NDST4: variants seen among roughly 807,000 people sequenced by gnomAD.
The protein encoded by NDST4 is N-deacetylase and N-sulfotransferase 4, also known as N-heparan sulfate sulfotransferase 4.
In NDST4, 63 loss-of-function variants were observed where a neutral mutation model predicts 100.8. The observed-to-expected ratio is 0.62, with a 90% CI of 0.51 to 0.77. The LOEUF (loss-of-function observed/expected upper bound fraction) is 0.77. NDST4 is among the 30% of genes least tolerant of loss of function. The pLI is 0.00. For synonymous variants in NDST4, 377 were observed against 361.8 expected, an observed-to-expected ratio of 1.04 and a Z score of -0.48; for missense variants, 943 against 1,018.4, an observed-to-expected ratio of 0.93 and a Z score of 1.01.
intron 1 of NDST4, among the ~76,000 whole-genome samples, chr4:115,093,651 A>C (rs967191086): frequency 6.6e-6 from 1 of 152,130 alleles, no homozygotes; most frequent in African/African-American, 2.4e-5. Context: ...AAAGAGCTAA[A>C]AATCACATGG....
chr4:114,831,254 T>A (rs1209043312), intron 12 of NDST4, among the ~76,000 whole-genome samples: 5 of 151,008 alleles, frequency 3.3e-5, no homozygotes, highest in Admixed American at 3.3e-4. Flanking sequence ...GGGTTTCACC[T>A]TGTTAGCCAG....
chr4:114,827,885 G>C lies in NDST4; in HGVS notation c.2550C>G (p.Ser850=). The change falls in exon 14 of 14, where the codon TCC becomes TCG. Residue 850 remains serine, a synonymous_variant. Transcript: ENST00000264363. The part of the protein sequence containing the change: ...NYYRDHNVEL[S]KLLHRLGQPL... Reference sequence around the variant, plus strand: ...GCTGTCCCAGTCTGTGTAGCAGTTTGGATAGTTCCACATTATGATCTCGGT... The same window carrying C: ...GCTGTCCCAGTCTGTGTAGCAGTTTCGATAGTTCCACATTATGATCTCGGT... The C allele has an allele frequency of 6.2e-7, 1 of 1,611,106 alleles. No homozygotes were observed. The highest frequency in any genetic ancestry group is 1.1e-5 in the South Asian group (1 of 90,548).
intron 2 of NDST4, among the ~76,000 whole-genome samples, chr4:115,037,960 A>G (rs1039375609): frequency 1.3e-5 from 2 of 152,170 alleles, no homozygotes; most frequent in Admixed American, 6.6e-5. Flanking sequence ...TTCTATGTAA[A>G]ATACATGTTT....
chr4:114,903,584 C>T (rs757662101), intron 6 of NDST4, among the ~76,000 whole-genome samples: 1 of 151,924 alleles, frequency 6.6e-6, no homozygotes, highest in Non-Finnish European at 1.5e-5. Flanking sequence ...TTTCTAGCTC[C>T]AATTTTGAGG....
chr4:114,910,943 C>T (rs1725049456), intron 6 of NDST4, among the ~76,000 whole-genome samples: 1 of 152,170 alleles, frequency 6.6e-6, no homozygotes, highest in South Asian at 2.1e-4. Flanking sequence ...TTATTACTGC[C>T]TAGCTGAAGC....
At chr4:115,058,526 T>A (rs1239478308) in intron 2 of NDST4, among the ~76,000 whole-genome samples, 3 of 152,192 alleles carry the variant, frequency 2.0e-5, no homozygotes, top group African/African-American at 4.8e-5. Flanking sequence ...TAAACAATTA[T>A]GTTTGTTTCC....
intron 3 of NDST4, among the ~76,000 whole-genome samples, chr4:114,973,113 A>T (rs1049462326): frequency 6.6e-6 from 1 of 152,076 alleles, no homozygotes; most frequent in Non-Finnish European, 1.5e-5. Flanking sequence ...ACTGAGGGAC[A>T]GCAGCAGAAT....
chr4:114,916,335 T>C (rs1331280704), intron 6 of NDST4, among the ~76,000 whole-genome samples: 1 of 152,152 alleles, frequency 6.6e-6, no homozygotes, highest in Non-Finnish European at 1.5e-5. Flanking sequence ...TAGCACCACA[T>C]TCTCTTCTAG....
intron 6 of NDST4, among the ~76,000 whole-genome samples, chr4:114,877,802 G>C (rs1724287347): frequency 6.6e-6 from 1 of 151,988 alleles, no homozygotes; most frequent in Non-Finnish European, 1.5e-5. Flanking sequence ...ACAAAAAGTA[G>C]CCGGGCCTGG....
chr4:115,014,184 C>A (rs558099887), intron 2 of NDST4, among the ~76,000 whole-genome samples: 159 of 152,180 alleles, frequency 1.0e-3, no homozygotes, highest in Non-Finnish European at 1.9e-3. Context: ...GCTGGTAAGG[C>A]CAGCAATGCT....
intron 6 of NDST4, among the ~76,000 whole-genome samples, chr4:114,915,715 T>G (rs1725153463): frequency 6.6e-6 from 1 of 152,126 alleles, no homozygotes; most frequent in South Asian, 2.1e-4. Context: ...TAAATGCCAT[T>G]AAAAGTCAGT....
chr4:114,988,721 G>C (rs1726970116), intron 2 of NDST4, among the ~76,000 whole-genome samples: 1 of 152,002 alleles, frequency 6.6e-6, no homozygotes, highest in Non-Finnish European at 1.5e-5. Context: ...ATCAAATTAT[G>C]AGTCAGTTTA....
At chr4:115,094,675 A>G (rs1243252311) in intron 1 of NDST4, among the ~76,000 whole-genome samples, 1 of 152,148 alleles carries the variant, frequency 6.6e-6, no homozygotes, top group Non-Finnish European at 1.5e-5. Context: ...TGCAGGTGTA[A>G]TTAGTTAAGG....
rs561795699 is a variant in NDST4 at position 115,033,889 on chromosome 4, A to T, written c.978+42170T>A. On this transcript the variant is annotated intron_variant, in intron 2 of 13. Transcript: ENST00000264363. The stretch of plus-strand genomic sequence containing the variant: ...AATATGCTAGCTGCAGAATTACTTA[A>T]AAGTTTTGACAGTTTTAAACAACTT... Among the ~76,000 whole-genome samples, 8 of 152,300 alleles carry T rather than the reference A, an allele frequency of 5.3e-5. No individual in the cohort carries two copies. The East Asian group carries it at 1.5e-3, about 29-fold the overall frequency.
intron 1 of NDST4, among the ~76,000 whole-genome samples, chr4:115,094,062 T>A (rs1481840502): frequency 2.0e-5 from 3 of 151,758 alleles, no homozygotes; most frequent in East Asian, 1.9e-4. Flanking sequence ...AAAGCAAACA[T>A]AACTGATGGA....
intron 2 of NDST4, among the ~76,000 whole-genome samples, chr4:115,035,416 CATAGG>C (rs1421075455): frequency 6.6e-6 from 1 of 151,874 alleles, no homozygotes; most frequent in Non-Finnish European, 1.5e-5. Flanking sequence ...TCTATGTGAT[CATAGG>C]ATTGGAGTTC....
chr4:115,028,712 A>G (rs557323146), intron 2 of NDST4, among the ~76,000 whole-genome samples: 12 of 152,146 alleles, frequency 7.9e-5, no homozygotes, highest in Non-Finnish European at 1.8e-4. Flanking sequence ...TGAAAAGACT[A>G]ATTATGAATA....
At chr4:114,846,373 GT>G (rs532059132) in intron 9 of NDST4, among the ~76,000 whole-genome samples, 38 of 152,286 alleles carry the variant, frequency 2.5e-4, no homozygotes, top group Admixed American at 1.0e-3. Flanking sequence ...GTAAATTTAT[GT>G]TTGCAAATTT....
In NDST4 at chr4:114,999,508, T is replaced by G. The variant is rs140843682; in HGVS notation, c.979-22234A>C. ...AGTGATTAATATTATCATCATAAAT[T>G]TAAAAGTTTATTATAATTCTTATTT... On this transcript the variant is annotated intron_variant, in intron 2 of 13. Coordinates refer to ENST00000264363, the MANE Select transcript of NDST4 (RefSeq NM_022569.3). Among the ~76,000 whole-genome samples, 27 of 152,262 alleles carry G rather than the reference T, an allele frequency of 1.8e-4. 1 individual carries two copies. Among genetic ancestry groups the G allele is most frequent in the Admixed American group, 7.2e-4 (11 of 15,254 alleles).
Sources: gnomAD v4.1 joint callset for allele counts (sites outside exome capture counted in the v4.1 genomes callset) on GRCh38, gnomAD v4.1.1 for gene constraint, MANE v1.5 for transcripts, NCBI Gene and HGNC (gene_info 2026-07-23, HGNC 2026-07-21) for gene names.